The following NINJ2 variants were observed in gnomAD, a reference collection of about 807,000 sequenced individuals.
The protein encoded by NINJ2 is ninjurin 2, also known as ninjurin-2.
Under a neutral mutation model 11.7 loss-of-function variants are expected in NINJ2, and 12 were observed. That is an observed-to-expected ratio of 1.02 (90% CI 0.66 to 1.66). The LOEUF is 1.66. Among genes scored for constraint, NINJ2 ranks in the 40% most tolerant of loss-of-function variants. The pLI, the probability that NINJ2 is intolerant of heterozygous loss-of-function variation, is 0.00. For missense variants in NINJ2, 187 were observed against 181.8 expected (o/e 1.03, Z -0.16); for synonymous variants, 93 against 76.8 (o/e 1.21, Z -1.10).
intron 1 of NINJ2, among the ~76,000 whole-genome samples, chr12:567,324 G>C (rs1489783129): frequency 1.3e-5 from 2 of 151,306 alleles, no homozygotes; most frequent in Non-Finnish European, 2.9e-5. Flanking sequence ...GCTGCGTGGG[G>C]ACAGATGGAT....
At chr12:590,312 G>A (rs923625417) in intron 1 of NINJ2, among the ~76,000 whole-genome samples, 2 of 152,134 alleles carry the variant, frequency 1.3e-5, no homozygotes, top group African/African-American at 4.8e-5. Flanking sequence ...GCACAGCATT[G>A]GCAGTGGGTA....
chr12:573,195 TTTC>T lies in NINJ2; in HGVS notation c.34-7020_34-7018del, dbSNP rs574138227. 2.8e-4 allele frequency among the ~76,000 whole-genome samples: 42 copies of T among 151,994 alleles called. No homozygotes were observed. In the South Asian group the frequency reaches 8.4e-3, roughly 30 times the overall value. ...CGCCCGCCACCACACCCAGCTAATT[TTTC>T]TTATTTTTAGTAGAGACGGGGTTTC... On this transcript the variant is annotated intron_variant, in intron 1 of 3. Coordinates refer to ENST00000305108, the MANE Select transcript of NINJ2 (RefSeq NM_016533.6).
chr12:567,167 C>T (rs748914787), intron 1 of NINJ2, among the ~76,000 whole-genome samples: 4 of 152,102 alleles, frequency 2.6e-5, no homozygotes, highest in South Asian at 2.1e-4. Context: ...AAGGATGCTA[C>T]GGCCTGGAGG....
chr12:629,034 C>T (rs1948239551), intron 1 of NINJ2, among the ~76,000 whole-genome samples: 1 of 152,156 alleles, frequency 6.6e-6, no homozygotes. Flanking sequence ...GGTTGCTTTG[C>T]CTATAGAGTA....
chr12:604,375 C>T (rs1471457266), intron 1 of NINJ2, among the ~76,000 whole-genome samples: 1 of 152,174 alleles, frequency 6.6e-6, no homozygotes, highest in Non-Finnish European at 1.5e-5. Context: ...CGGTGGCTCA[C>T]GCCTGTAATC....
At chr12:590,485 G>A (rs978787596) in intron 1 of NINJ2, 8 of 152,240 alleles carry the variant, frequency 5.3e-5, no homozygotes, top group African/African-American at 1.9e-4. Flanking sequence ...CGCACCCTCA[G>A]CGTTGCAGCC....
intron 1 of NINJ2, among the ~76,000 whole-genome samples, chr12:601,310 G>C (rs1947864020): frequency 6.6e-6 from 1 of 152,072 alleles, no homozygotes; most frequent in Non-Finnish European, 1.5e-5. Context: ...ACTTTGGGAG[G>C]CTGAGGCGGG....
intron 1 of NINJ2, among the ~76,000 whole-genome samples, chr12:612,214 TACAC>T (rs1000978185): frequency 2.6e-5 from 4 of 152,232 alleles, no homozygotes; most frequent in African/African-American, 9.6e-5. Context: ...CGCAGACTAT[TACAC>T]ACAGGCGAGA....
chr12:658,228 C>T (rs1195261005), intron 1 of NINJ2, among the ~76,000 whole-genome samples: 1 of 152,096 alleles, frequency 6.6e-6, no homozygotes, highest in Non-Finnish European at 1.5e-5. Context: ...TGGTCTCGAA[C>T]TCCTAACCTC....
At chr12:653,016 TTC>T (rs1937818022) in intron 1 of NINJ2, among the ~76,000 whole-genome samples, 1 of 127,150 alleles carries the variant, frequency 7.9e-6, no homozygotes, top group African/African-American at 3.0e-5. Flanking sequence ...AATATTTTGT[TTC>T]TTTTTTTTTT....
intron 1 of NINJ2, among the ~76,000 whole-genome samples, chr12:626,278 A>G (rs1374101863): frequency 6.6e-6 from 1 of 152,214 alleles, no homozygotes; most frequent in East Asian, 1.9e-4. Flanking sequence ...AGCCCTCCTA[A>G]TATCTGCTGG....
At chr12:612,966 A>G (rs894875120) in intron 1 of NINJ2, among the ~76,000 whole-genome samples, 1 of 152,204 alleles carries the variant, frequency 6.6e-6, no homozygotes, top group Non-Finnish European at 1.5e-5. Context: ...GATGCTAAAC[A>G]GGCCTCATGG....
intron 1 of NINJ2, among the ~76,000 whole-genome samples, chr12:620,034 G>C (rs1234027388): frequency 6.6e-6 from 1 of 152,256 alleles, no homozygotes; most frequent in Non-Finnish European, 1.5e-5. Context: ...TTTGTTGCCA[G>C]GGCCTGGTGT....
At chr12:656,689 C>T (rs909021336) in intron 1 of NINJ2, among the ~76,000 whole-genome samples, 7 of 150,706 alleles carry the variant, frequency 4.6e-5, no homozygotes, top group Non-Finnish European at 8.8e-5. Flanking sequence ...GTGGAGGTTG[C>T]AGTGAGCCGA....
chr12:616,795 G>C (rs1361052223), intron 1 of NINJ2, among the ~76,000 whole-genome samples: 4 of 152,180 alleles, frequency 2.6e-5, no homozygotes, highest in African/African-American at 4.8e-5. Flanking sequence ...CATCTGATGT[G>C]ACCTAAGTGT....
At chr12:639,679 T>C (rs934581761) in intron 1 of NINJ2, among the ~76,000 whole-genome samples, 44 of 152,188 alleles carry the variant, frequency 2.9e-4, no homozygotes, top group East Asian at 1.9e-4. Flanking sequence ...TGAGAGAACA[T>C]GACCATTTGC....
chr12:649,523 G>GTATATATATATATATATA (rs1937754204), intron 1 of NINJ2, among the ~76,000 whole-genome samples: 1 of 48,640 alleles, frequency 2.1e-5, no homozygotes, highest in Non-Finnish European at 4.4e-5. Flanking sequence ...ATGTGTGTGT[G>GTATATATATATATATATA]TATATGTGTA....
chr12:574,398 C>CAGACCATAAA (rs1947423399), intron 1 of NINJ2, among the ~76,000 whole-genome samples: 1 of 152,146 alleles, frequency 6.6e-6, no homozygotes, highest in Non-Finnish European at 1.5e-5. Context: ...TCTGAATGTG[C>CAGACCATAAA]CCCCTAAAGT....
intron 1 of NINJ2, among the ~76,000 whole-genome samples, chr12:583,864 A>G (rs1189534758): frequency 6.6e-6 from 1 of 152,154 alleles, no homozygotes; most frequent in Non-Finnish European, 1.5e-5. Flanking sequence ...ACCTACTAAA[A>G]ATGGGGATCG....
Sources: gnomAD v4.1 joint callset for allele counts (sites outside exome capture counted in the v4.1 genomes callset) on GRCh38, gnomAD v4.1.1 for gene constraint, MANE v1.5 for transcripts, NCBI Gene and HGNC (gene_info 2026-07-23, HGNC 2026-07-21) for gene names.